The following PPARA variants were observed in gnomAD, a reference collection of about 807,000 sequenced individuals.
PPARA encodes peroxisome proliferator-activated receptor alpha.
In PPARA, 22 loss-of-function variants were observed where a neutral mutation model predicts 42.2. That is an observed-to-expected ratio of 0.52 (90% CI 0.37 to 0.74). PPARA has a LOEUF of 0.74. PPARA is among the 30% of genes least tolerant of loss of function. The pLI is 0.00. For synonymous variants in PPARA, 242 were observed against 239.3 expected, an observed-to-expected ratio of 1.01 and a Z score of -0.10; for missense variants, 465 against 608.2, an observed-to-expected ratio of 0.76 and a Z score of 2.48.
At position 46,187,884 on chromosome 22, in the gene PPARA, A is replaced by G. The variant is rs1319812197; in HGVS notation, c.-42-10458A>G. Among the ~76,000 whole-genome samples the G allele has an allele frequency of 1.3e-5, 2 of 152,210 alleles. No individual in the cohort carries two copies. Among genetic ancestry groups the G allele is most frequent in the East Asian group, 3.8e-4 (2 of 5,196 alleles). On this transcript the variant is annotated intron_variant, in intron 3 of 8. Coordinates refer to ENST00000407236, the MANE Select transcript of PPARA (RefSeq NM_005036.6). The surrounding 1 kb of genome is among the most constrained non-coding windows in gnomAD (Gnocchi z 4.9). Reference sequence around the variant, plus strand: ...CTTGTGACTTGCTTTGACCCACAGAACGTAACAGAAAGGACACTGCCTAAC... The same window carrying G: ...CTTGTGACTTGCTTTGACCCACAGAGCGTAACAGAAAGGACACTGCCTAAC...
chr22:46,217,989 C>G (rs1934652365), intron 5 of PPARA, among the ~76,000 whole-genome samples: 1 of 151,694 alleles, frequency 6.6e-6, no homozygotes, highest in South Asian at 2.1e-4. Context: ...CATCACCATG[C>G]CCGGCTAATT....
In PPARA at chr22:46,183,925, C is replaced by T. The variant is rs1316223694; in HGVS notation, c.-43+7089C>T. ...GCTGCCTGAGGTCAAACCCCGGTCC[C>T]GGTGGTTCTGTGCCCCAGCGCATGT... On this transcript the variant is annotated intron_variant, in intron 3 of 8. Coordinates refer to ENST00000407236, the MANE Select transcript of PPARA (RefSeq NM_005036.6). This position sits in a 1 kb window ranked among gnomAD's most constrained non-coding sequence, Gnocchi z 5.5. Among the ~76,000 whole-genome samples, 7 of 152,232 alleles carry T rather than the reference C, an allele frequency of 4.6e-5. No homozygotes were observed. The highest frequency in any genetic ancestry group is 2.6e-4 in the Admixed American group (4 of 15,282).
rs912085404 is a variant in PPARA at position 46,173,730 on chromosome 22, G to A, written c.-126-3023G>A. Among the ~76,000 whole-genome samples, 7 of 152,188 alleles carry A rather than the reference G, an allele frequency of 4.6e-5. No homozygotes were observed. The highest frequency in any genetic ancestry group is 8.8e-5 in the Non-Finnish European group (6 of 68,034). On this transcript the variant is annotated intron_variant, in intron 2 of 8. Transcript: ENST00000407236. The surrounding 1 kb of genome is among the most constrained non-coding windows in gnomAD (Gnocchi z 4.3). ...GGGTCAATTAACAAAATTTGAATAC[G>A]AATCATAGATTGAACTGTATCTGTT...
chr22:46,170,935 C>A (rs1927930602), intron 2 of PPARA, among the ~76,000 whole-genome samples: 1 of 151,718 alleles, frequency 6.6e-6, no homozygotes. Context: ...GCCGAGACAG[C>A]AGATCACCTG....
At position 46,243,585 on chromosome 22, in the gene PPARA, C is replaced by T. The variant is rs1222408074; in HGVS notation, c.*8205C>T. On this transcript the variant is annotated 3_prime_UTR_variant, in exon 9 of 9. Transcript: ENST00000407236. The surrounding 1 kb of genome is among the most constrained non-coding windows in gnomAD (Gnocchi z 5.0). ...ATTTTAAAAAAAAATCTTGGGTCTT[C>T]GTTTTCCTATTAGGAGACTGAACTG... 1.3e-5 allele frequency: 2 copies of T among 152,288 alleles called. No homozygotes were observed. The highest frequency in any genetic ancestry group is 3.8e-4 in the East Asian group (2 of 5,196). 9.4% of individuals were successfully genotyped at this position (152,288 alleles called of 1,614,324 possible).
chr22:46,197,294 C>T (rs565428366), intron 3 of PPARA, among the ~76,000 whole-genome samples: 62 of 152,066 alleles, frequency 4.1e-4, no homozygotes, highest in African/African-American at 1.3e-3. Context: ...AAGTGATCCG[C>T]CCGCCTCGGC....
rs1190368957 is a variant in PPARA at position 46,241,076 on chromosome 22, T to C, written c.*5696T>C. The C allele has an allele frequency of 1.3e-5, 2 of 152,266 alleles. No homozygotes were observed. Among genetic ancestry groups the C allele is most frequent in the African/African-American group, 4.8e-5 (2 of 41,472 alleles). The allele number at this position is 152,266 out of a possible 1,614,324, so 9.4% of individuals were successfully genotyped here. A position where few individuals can be genotyped will look rare whatever the true frequency, so the allele number is the denominator to read the frequency against. On this transcript the variant is annotated 3_prime_UTR_variant, in exon 9 of 9. Transcript: ENST00000407236. This position sits in a 1 kb window ranked among gnomAD's most constrained non-coding sequence, Gnocchi z 5.7. ...CAAAGGCCATCTCACCAAAGGATTA[T>C]TCGATGCCATTAAATCATCCCGTGA...
Position 46,232,018 on chromosome 22 carries a change from T to A in PPARA, c.938T>A (p.Val313Asp), listed in dbSNP as rs1225225635. Reference sequence around the variant, plus strand: ...CAAGTGACATTGCTAAAATACGGAGTTTATGAGGCCATATTCGCCATGCTG... The same window carrying A: ...CAAGTGACATTGCTAAAATACGGAGATTATGAGGCCATATTCGCCATGCTG... ...NDQVTLLKYG[V>D]YEAIFAMLSS... The change falls in exon 8 of 9, where the codon GTT becomes GAT. Residue 313 changes from valine to aspartate, a missense_variant. This residue lies in a region of PPARA where 313 missense variants were observed against 469.1 expected (regional missense o/e 0.67). Coordinates refer to ENST00000407236, the MANE Select transcript of PPARA (RefSeq NM_005036.6). The surrounding 1 kb of genome is among the most constrained non-coding windows in gnomAD (Gnocchi z 5.3). 1 of 1,613,890 alleles carries A rather than the reference T, an allele frequency of 6.2e-7. No homozygotes were observed. Among genetic ancestry groups the A allele is most frequent in the Non-Finnish European group, 8.5e-7 (1 of 1,179,994 alleles).
In PPARA at chr22:46,225,573, GC is replaced by G. The variant is rs1213760581; in HGVS notation, c.711+5560del. ...CACACACATACACGTGCACCCACAT[GC>G]ATGCTCACACACATGCACCCACAGT... On this transcript the variant is annotated intron_variant, in intron 7 of 8. Coordinates refer to ENST00000407236, the MANE Select transcript of PPARA (RefSeq NM_005036.6). The surrounding 1 kb of genome is among the most constrained non-coding windows in gnomAD (Gnocchi z 4.1). Among the ~76,000 whole-genome samples, 1 of 150,076 alleles carries G rather than the reference GC, an allele frequency of 6.7e-6. No individual in the cohort carries two copies. Among genetic ancestry groups the G allele is most frequent in the Non-Finnish European group, 1.5e-5 (1 of 67,478 alleles).
rs1464978590 is a variant in PPARA at position 46,232,341 on chromosome 22, G to A, written c.1159+102G>A. ...CAGTACCAGCCTGAGCTGTTCCAGT[G>A]GAGGGGACACTCACATGGTGGGAAG... On this transcript the variant is annotated intron_variant, in intron 8 of 8. Transcript: ENST00000407236. This position sits in a 1 kb window ranked among gnomAD's most constrained non-coding sequence, Gnocchi z 5.3. 3 of 1,196,328 alleles carry A rather than the reference G, an allele frequency of 2.5e-6. No individual in the cohort carries two copies. Among genetic ancestry groups the A allele is most frequent in the Non-Finnish European group, 3.7e-6 (3 of 805,708 alleles). 74.1% of individuals were successfully genotyped at this position (1,196,328 alleles called of 1,614,324 possible). A position where few individuals can be genotyped will look rare whatever the true frequency, so the allele number is the denominator to read the frequency against.
Position 46,230,817 on chromosome 22 carries a change from C to T in PPARA, c.712-975C>T, listed in dbSNP as rs61466199. 0.032 allele frequency among the ~76,000 whole-genome samples: 4,871 copies of T among 152,314 alleles called. 274 individuals are homozygous for T. Among genetic ancestry groups the T allele is most frequent in the African/African-American group, 0.11 (4,561 of 41,550 alleles). On this transcript the variant is annotated intron_variant, in intron 7 of 8. Transcript: ENST00000407236. The surrounding 1 kb of genome is among the most constrained non-coding windows in gnomAD (Gnocchi z 5.0). ...CACAACGCTTGTTTGCCGATTTCTA[C>T]ATAGATGCCACCTTTCTGAGTTGTA...
At chr22:46,157,980 A>G (rs1256367926) in intron 2 of PPARA, among the ~76,000 whole-genome samples, 1 of 152,234 alleles carries the variant, frequency 6.6e-6, no homozygotes. Context: ...GAATAGTAAG[A>G]GTTAGGAAGG....
In PPARA at chr22:46,198,550, A is replaced by G. The variant is rs767910930; in HGVS notation, c.167A>G (p.Tyr56Cys). 2.5e-6 allele frequency: 4 copies of G among 1,612,544 alleles called. No homozygotes were observed. In the South Asian group the frequency reaches 4.4e-5, roughly 18 times the overall value. ...SGSFGFTEYQ[Y>C]LGSCPGSDGS... is the part of the protein sequence containing the mutation. ...AGCTTTGGCTTTACGGAATACCAGT[A>G]TTTAGGAAGCTGTCCTGGCTCAGAT... Residue 56 changes from tyrosine (Y) to cysteine (C), a missense_variant, in exon 4 of 9, where the codon TAT becomes TGT. Physicochemically the swap from Tyr to Cys is radical, Grantham distance 194 (BLOSUM62 -2). Around this residue, in one of 2 missense-constraint regions of PPARA, gnomAD observed 152 missense variants for 139.1 expected, o/e 1.09. Transcript: ENST00000407236.
rs1477085716 is a variant in PPARA, at chr22:46,171,844, G to T, written c.-126-4909G>T. ...GGCCATGGGATGGGGACCAGCGAGGGCTTCTTAGGGGACTGGATATGCTCT... is the reference window on the plus strand; with the variant it reads ...GGCCATGGGATGGGGACCAGCGAGGTCTTCTTAGGGGACTGGATATGCTCT... On this transcript the variant is annotated intron_variant, in intron 2 of 8. Coordinates refer to ENST00000407236, the MANE Select transcript of PPARA (RefSeq NM_005036.6). The surrounding 1 kb of genome is among the most constrained non-coding windows in gnomAD (Gnocchi z 5.0). Among the ~76,000 whole-genome samples the T allele has an allele frequency of 6.6e-6, 1 of 152,196 alleles. No individual in the cohort carries two copies. Among genetic ancestry groups the T allele is most frequent in the Non-Finnish European group, 1.5e-5 (1 of 68,042 alleles).
intron 2 of PPARA, chr22:46,164,791 GTTA>G (rs1229719468): frequency 1.3e-5 from 2 of 152,184 alleles, no homozygotes; most frequent in African/African-American, 2.4e-5. Flanking sequence ...TAATGAGAAA[GTTA>G]TTATTTGGGT....
At position 46,235,278 on chromosome 22, in the gene PPARA, G is replaced by T; in HGVS notation, c.1305G>T (p.Gln435His). 1 of 1,614,100 alleles carries T rather than the reference G, an allele frequency of 6.2e-7. No homozygotes were observed. The highest frequency in any genetic ancestry group is 8.5e-7 in the Non-Finnish European group (1 of 1,180,044). Residue 435 changes from glutamine (Q) to histidine (H), a missense_variant, in exon 9 of 9, where the codon CAG (glutamine) becomes CAT (histidine). Physicochemically the swap from Gln to His is conservative, Grantham distance 24. Transcript: ENST00000407236. The surrounding 1 kb of genome is among the most constrained non-coding windows in gnomAD (Gnocchi z 7.0). ...TTCAAAAAATGGCAGACCTCCGGCA[G>T]CTGGTGACGGAGCATGCGCAGCTGG... ...KLLQKMADLR[Q>H]LVTEHAQLVQ...
Position 46,156,758 on chromosome 22 carries a change from C to T in PPARA, c.-127+4788C>T, listed in dbSNP as rs898910344. Among the ~76,000 whole-genome samples, 5 of 152,278 alleles carry T rather than the reference C, an allele frequency of 3.3e-5. No individual in the cohort carries two copies. The highest frequency in any genetic ancestry group is 1.9e-4 in the East Asian group (1 of 5,180). On this transcript the variant is annotated intron_variant, in intron 2 of 8. Transcript: ENST00000407236. The surrounding 1 kb of genome is among the most constrained non-coding windows in gnomAD (Gnocchi z 5.2). Reference sequence around the variant, plus strand: ...CTGGGACTACAGGCACCCGCCACCACGCCCAGCTAATTTTTGTATTTTTAG... The same window carrying T: ...CTGGGACTACAGGCACCCGCCACCATGCCCAGCTAATTTTTGTATTTTTAG...
intron 3 of PPARA, among the ~76,000 whole-genome samples, chr22:46,181,015 G>T (rs1445627162): frequency 6.6e-6 from 1 of 151,516 alleles, no homozygotes; most frequent in African/African-American, 2.5e-5. Context: ...GCTGGGGATG[G>T]TGAGAGTAGC....
Position 46,230,349 on chromosome 22 carries a change from C to G in PPARA, c.712-1443C>G, listed in dbSNP as rs1169917031. Among the ~76,000 whole-genome samples the G allele has an allele frequency of 6.7e-6, 1 of 149,954 alleles. No individual in the cohort carries two copies. The highest frequency in any genetic ancestry group is 1.5e-5 in the Non-Finnish European group (1 of 67,914). On this transcript the variant is annotated intron_variant, in intron 7 of 8. Coordinates refer to ENST00000407236, the MANE Select transcript of PPARA (RefSeq NM_005036.6). This position sits in a 1 kb window ranked among gnomAD's most constrained non-coding sequence, Gnocchi z 5.0. ...TTGTGCCATTGCACTCCAGCCTGGG[C>G]AACAAGAGCAAAACTCTGTCTCAAA...
Sources: gnomAD v4.1 joint callset for allele counts (sites outside exome capture counted in the v4.1 genomes callset) on GRCh38, gnomAD v4.1.1 for gene constraint, gnomAD v4.1.1 regional missense constraint, Gnocchi (gnomAD v3.1) non-coding constraint, MANE v1.5 for transcripts, NCBI Gene and HGNC (gene_info 2026-07-23, HGNC 2026-07-21) for gene names.